The following SRCIN1 variants were observed in gnomAD, a reference collection of about 807,000 sequenced individuals.
The protein encoded by SRCIN1 is SRC kinase signaling inhibitor 1.
Under a neutral mutation model 116.2 loss-of-function variants are expected in SRCIN1, and 50 were observed. That is an observed-to-expected ratio of 0.43 (90% CI 0.34 to 0.54). The LOEUF is 0.54. SRCIN1 is among the 20% of genes least tolerant of loss of function. SRCIN1 has a pLI of 0.02. For synonymous variants in SRCIN1, 736 were observed against 750.0 expected (o/e 0.98, Z 0.30); for missense variants, 1,446 against 1,672.0 (o/e 0.86, Z 2.36).
intron 9 of SRCIN1, 54 bp downstream of exon 9, chr17:38,560,000 A>G: frequency 6.9e-7 from 1 of 1,456,600 alleles, no homozygotes; most frequent in South Asian, 1.2e-5. Context: ...CACTTTATAG[A>G]TTAGAAAACA....
intron 18 of SRCIN1, among the ~76,000 whole-genome samples, chr17:38,535,806 A>G (rs1168769710): frequency 1.3e-5 from 2 of 152,162 alleles, no homozygotes; most frequent in Non-Finnish European, 2.9e-5. Flanking sequence ...AGCACTGCCC[A>G]GTTCCCCCTG....
chr17:38,543,760 T>A, intron 18 of SRCIN1, 63 bp downstream of exon 18: 4 of 1,567,740 alleles, frequency 2.6e-6, no homozygotes, highest in Non-Finnish European at 3.4e-6. Flanking sequence ...AGATGCCCAG[T>A]GGGGCAGGGG....
intron 9 of SRCIN1, 85 bp downstream of exon 9, chr17:38,559,969 A>G: frequency 7.3e-7 from 1 of 1,362,518 alleles, no homozygotes. Context: ...AAGGCCAGTG[A>G]TGTAGCTATT....
intron 1 of SRCIN1, 72 bp from the exon 2 acceptor site, chr17:38,578,863 T>A: frequency 7.0e-7 from 1 of 1,418,568 alleles, no homozygotes; most frequent in Non-Finnish European, 9.2e-7. Context: ...CCCAAGGGGG[T>A]CCCTGCGGGA....
rs1482385337 is a variant in SRCIN1, at chr17:38,562,289, G to A, written c.874C>T (p.Arg292Trp). 6.8e-7 allele frequency: 1 copy of A among 1,478,000 alleles called. No individual in the cohort carries two copies. The allele number at this position is 1,478,000 out of a possible 1,614,324, so 91.6% of individuals were successfully genotyped here. The change falls in exon 7 of 19, where the codon CGG (arginine) becomes TGG (tryptophan). Residue 292 changes from arginine (R) to tryptophan (W), a missense_variant. Transcript: ENST00000617146. This position sits in a 1 kb window ranked among gnomAD's most constrained non-coding sequence, Gnocchi z 4.2. ...GCTGGTGACAGGTTGTTGAGGCGCC[G>A]CGTGGGCGAGGACTCCCGCGATGCG... ...VYASRESSPT[R>W]RLNNLSPAPH... is the part of the protein sequence containing the mutation.
In SRCIN1 at chr17:38,568,844, C is replaced by T. The variant is rs1315054248; in HGVS notation, c.325-613G>A. Among the ~76,000 whole-genome samples the T allele has an allele frequency of 6.7e-6, 1 of 149,374 alleles. No homozygotes were observed. Among genetic ancestry groups the T allele is most frequent in the Non-Finnish European group, 1.5e-5 (1 of 67,818 alleles). On this transcript the variant is annotated intron_variant, in intron 2 of 18. Coordinates refer to ENST00000617146, the MANE Select transcript of SRCIN1 (RefSeq NM_025248.3). This position sits in a 1 kb window ranked among gnomAD's most constrained non-coding sequence, Gnocchi z 4.5. ...AAGTATTTAGACTTAACTGGGTGGA[C>T]AAGCAGAAAGTGTCTGAATGGAGCA...
Position 38,578,735 on chromosome 17 carries a change from C to G in SRCIN1, c.79G>C (p.Glu27Gln), listed in dbSNP as rs1320065561. The change falls in exon 2 of 19, where the codon GAG (glutamate) becomes CAG (glutamine). Residue 27 changes from glutamate (E) to glutamine (Q), a missense_variant. Physicochemically the swap from Glu to Gln is conservative, Grantham distance 29. Coordinates refer to ENST00000617146, the MANE Select transcript of SRCIN1 (RefSeq NM_025248.3). Reference protein sequence around the residue: ...LSADDAEYPREYRTLGGGGGG... With the variant: ...LSADDAEYPRQYRTLGGGGGG... Reference sequence around the variant, plus strand: ...CCCCCGCCCCCCAGGGTCCGGTACTCCCGCGGGTACTCCGCATCGTCCGCA... The same window carrying G: ...CCCCCGCCCCCCAGGGTCCGGTACTGCCGCGGGTACTCCGCATCGTCCGCA... 5 of 1,530,104 alleles carry G rather than the reference C, an allele frequency of 3.3e-6. No individual in the cohort carries two copies. The highest frequency in any genetic ancestry group is 4.4e-6 in the Non-Finnish European group (5 of 1,142,728). The allele number at this position is 1,530,104 out of a possible 1,614,324, so 94.8% of individuals were successfully genotyped here. A position where few individuals can be genotyped will look rare whatever the true frequency, so the allele number is the denominator to read the frequency against.
At chr17:38,573,364 C>T (rs546530347) in intron 2 of SRCIN1, among the ~76,000 whole-genome samples, 2 of 152,314 alleles carry the variant, frequency 1.3e-5, no homozygotes, top group South Asian at 4.1e-4. Context: ...TGGTTCTGGC[C>T]TTTCCAAAGT....
At chr17:38,606,157 T>C (rs1484791158), upstream of SRCIN1, among the ~76,000 whole-genome samples, 1 of 151,262 alleles carries the variant, frequency 6.6e-6, no homozygotes, top group Admixed American at 6.6e-5. This position sits in a 1 kb window ranked among gnomAD's most constrained non-coding sequence, Gnocchi z 5.2. Context: ...GCGCGCTCAC[T>C]CTCTCCTTCC....
intron 11 of SRCIN1, among the ~76,000 whole-genome samples, chr17:38,555,652 T>C (rs1416557745): frequency 6.6e-6 from 1 of 152,208 alleles, no homozygotes; most frequent in Non-Finnish European, 1.5e-5. Context: ...TACAGCTATT[T>C]TGCAGCAAAG....
chr17:38,584,917 C>T (rs1908033861), intron 1 of SRCIN1, among the ~76,000 whole-genome samples: 2 of 152,262 alleles, frequency 1.3e-5, no homozygotes, highest in Middle Eastern at 3.4e-3. Flanking sequence ...AAGCCACCAG[C>T]TCAGGAAAGG....
chr17:38,605,646 A>G, intron 1 of SRCIN1, 38 bp downstream of exon 1: 7 of 1,274,538 alleles, frequency 5.5e-6, no homozygotes, highest in Non-Finnish European at 7.1e-6. Context: ...CCACTTAAGC[A>G]TGGAGGCACA....
In SRCIN1 at chr17:38,552,721, C is replaced by G; in HGVS notation, c.2332+4G>C. 1 of 1,613,788 alleles carries G rather than the reference C, an allele frequency of 6.2e-7. No homozygotes were observed. On this transcript the variant is annotated splice_donor_region_variant and intron_variant, in intron 12 of 18. Transcript: ENST00000617146. This position sits in a 1 kb window ranked among gnomAD's most constrained non-coding sequence, Gnocchi z 5.3. Reference sequence around the variant, plus strand: ...CGTGCTGCATTCGCAGGCCCCAGACCCACCCTTGAGCTCTGTCAGCGTCTC... The same window carrying G: ...CGTGCTGCATTCGCAGGCCCCAGACGCACCCTTGAGCTCTGTCAGCGTCTC...
rs570853538 is a variant in SRCIN1, at chr17:38,537,189, T to A, written c.3418-3758A>T. Among the ~76,000 whole-genome samples the A allele has an allele frequency of 2.0e-4, 30 of 148,316 alleles. No homozygotes were observed. The South Asian group carries it at 6.0e-3, about 30-fold the overall frequency. ...CGAGAGACTCTATCTCAAAAAAAAA[T>A]TAAATAAATAAATAAAAACAGCTGT... On this transcript the variant is annotated intron_variant, in intron 18 of 18. Transcript: ENST00000617146.
intron 18 of SRCIN1, among the ~76,000 whole-genome samples, chr17:38,540,908 T>C (rs1419340077): frequency 1.3e-5 from 2 of 152,110 alleles, no homozygotes; most frequent in Non-Finnish European, 2.9e-5. Context: ...GAGACATCGA[T>C]GGTTTTCCCC....
Position 38,552,724 on chromosome 17 carries a change from C to T in SRCIN1, c.2332+1G>A. The T allele has an allele frequency of 6.2e-7, 1 of 1,613,804 alleles. No individual in the cohort carries two copies. The highest frequency in any genetic ancestry group is 8.5e-7 in the Non-Finnish European group (1 of 1,179,838). On this transcript the variant is annotated splice_donor_variant, in intron 12 of 18. Coordinates refer to ENST00000617146, the MANE Select transcript of SRCIN1 (RefSeq NM_025248.3). LOFTEE classifies it high-confidence loss of function. This position sits in a 1 kb window ranked among gnomAD's most constrained non-coding sequence, Gnocchi z 5.3. ...GCTGCATTCGCAGGCCCCAGACCCACCCTTGAGCTCTGTCAGCGTCTCCCC... is the reference window on the plus strand; with the variant it reads ...GCTGCATTCGCAGGCCCCAGACCCATCCTTGAGCTCTGTCAGCGTCTCCCC...
chr17:38,559,500 A>C, intron 10 of SRCIN1, 85 bp downstream of exon 10: 1 of 1,381,908 alleles, frequency 7.2e-7, no homozygotes, highest in Non-Finnish European at 9.9e-7. Context: ...AGGATGAGGT[A>C]GTAGGGGATG....
At position 38,585,949 on chromosome 17, in the gene SRCIN1, G is replaced by A. The variant is rs1243451547; in HGVS notation, c.23-7158C>T. On this transcript the variant is annotated intron_variant, in intron 1 of 18. Coordinates refer to ENST00000617146, the MANE Select transcript of SRCIN1 (RefSeq NM_025248.3). This position sits in a 1 kb window ranked among gnomAD's most constrained non-coding sequence, Gnocchi z 4.2. ...GCCAGAAACTCTGCACCTCCCCACG[G>A]TGATCCCCACTCCCTGCCAGCCCAG... is the stretch of plus-strand genomic sequence containing the variant. Among the ~76,000 whole-genome samples, 1 of 152,098 alleles carries A rather than the reference G, an allele frequency of 6.6e-6. No homozygotes were observed. The highest frequency in any genetic ancestry group is 1.5e-5 in the Non-Finnish European group (1 of 68,012).
chr17:38,537,634 ACGAAAAATGAGCCAGG>A (rs1163476434), intron 18 of SRCIN1, among the ~76,000 whole-genome samples: 16 of 151,544 alleles, frequency 1.1e-4, no homozygotes, highest in Admixed American at 3.3e-4. Flanking sequence ...TACTAAAAAT[ACGAAAAATGAGCCAGG>A]CGTGGTGGCG....
Sources: gnomAD v4.1 joint callset for allele counts (sites outside exome capture counted in the v4.1 genomes callset) on GRCh38, gnomAD v4.1.1 for gene constraint, Gnocchi (gnomAD v3.1) non-coding constraint, MANE v1.5 for transcripts, NCBI Gene and HGNC (gene_info 2026-07-23, HGNC 2026-07-21) for gene names.